The following SUGCT variants were observed in gnomAD, a reference collection of about 807,000 sequenced individuals.
SUGCT encodes the protein succinyl-CoA:glutarate CoA-transferase.
SUGCT carries 41 observed loss-of-function variants against 55.0 expected under a neutral mutation model. The observed-to-expected ratio is 0.74, with a 90% CI of 0.58 to 0.97. The LOEUF is 0.97. Ranked by LOEUF, SUGCT falls within the 50% of genes least tolerant of loss-of-function variation. The probability of loss-of-function intolerance (pLI) is 0.00; values close to 1 mark genes in which losing one functional copy is unlikely to be tolerated. For missense variants in SUGCT, 568 were observed against 547.8 expected, an observed-to-expected ratio of 1.04 and a Z score of -0.37; for synonymous variants, 187 against 200.4, an observed-to-expected ratio of 0.93 and a Z score of 0.56.
In SUGCT at chr7:40,513,510, G is replaced by T. The variant is rs1393431239; in HGVS notation, c.1089+17124G>T. 2.0e-5 allele frequency among the ~76,000 whole-genome samples: 3 copies of T among 152,190 alleles called. No homozygotes were observed. The East Asian group carries it at 5.8e-4, about 29-fold the overall frequency. On this transcript the variant is annotated intron_variant, in intron 12 of 13. Transcript: ENST00000335693. The stretch of plus-strand genomic sequence containing the variant: ...AAGATTCAGTTCCTATTTCCTGAGA[G>T]CTCCATTTCACTTATTCTCAAATTG...
At chr7:40,446,945 A>C (rs758055924) in intron 9 of SUGCT, among the ~76,000 whole-genome samples, 16 of 152,212 alleles carry the variant, frequency 1.1e-4, no homozygotes, top group Non-Finnish European at 2.1e-4. Context: ...ATTGTTAATA[A>C]CAGGTTTATT....
intron 13 of SUGCT, among the ~76,000 whole-genome samples, chr7:40,796,600 T>G (rs937371528): frequency 6.6e-6 from 1 of 152,168 alleles, no homozygotes; most frequent in African/African-American, 2.4e-5. Flanking sequence ...CATTCCTGTT[T>G]TATAAGTGAG....
intron 9 of SUGCT, among the ~76,000 whole-genome samples, chr7:40,317,103 G>A (rs1280212627): frequency 6.7e-6 from 1 of 150,186 alleles, no homozygotes; most frequent in Non-Finnish European, 1.5e-5. Flanking sequence ...CTGAAAGTAA[G>A]TGCCTTTTGG....
At chr7:40,548,582 A>G (rs1795136427) in intron 12 of SUGCT, among the ~76,000 whole-genome samples, 1 of 152,032 alleles carries the variant, frequency 6.6e-6, no homozygotes, top group Non-Finnish European at 1.5e-5. Flanking sequence ...TCTCATATAT[A>G]CCACGTGCCC....
intron 9 of SUGCT, among the ~76,000 whole-genome samples, chr7:40,433,186 C>T (rs1787994387): frequency 6.6e-6 from 1 of 151,984 alleles, no homozygotes; most frequent in African/African-American, 2.4e-5. Context: ...TGGAGCTTCT[C>T]ATTTTGTTTA....
chr7:40,655,041 C>G (rs1800950905), intron 12 of SUGCT, among the ~76,000 whole-genome samples: 1 of 152,134 alleles, frequency 6.6e-6, no homozygotes, highest in Non-Finnish European at 1.5e-5. Context: ...TAATTATAGG[C>G]AATATCACTT....
intron 9 of SUGCT, among the ~76,000 whole-genome samples, chr7:40,361,932 G>C (rs1231048459): frequency 6.6e-6 from 1 of 151,994 alleles, no homozygotes; most frequent in African/African-American, 2.4e-5. Flanking sequence ...CTTTAAGCTG[G>C]CCTGGGCCAA....
chr7:40,370,608 GGAGA>G (rs148116234), intron 9 of SUGCT, among the ~76,000 whole-genome samples: 6 of 143,572 alleles, frequency 4.2e-5, no homozygotes, highest in Non-Finnish European at 9.1e-5. Flanking sequence ...GAGAGAGAGA[GGAGA>G]GAGAGAGATG....
intron 12 of SUGCT, among the ~76,000 whole-genome samples, chr7:40,552,455 C>CT (rs1487394363): frequency 6.6e-6 from 1 of 152,116 alleles, no homozygotes; most frequent in Non-Finnish European, 1.5e-5. Flanking sequence ...GCTCACCCTA[C>CT]TAATAGATCA....
At chr7:40,812,965 C>T (rs1396984186) in intron 13 of SUGCT, among the ~76,000 whole-genome samples, 3 of 151,986 alleles carry the variant, frequency 2.0e-5, no homozygotes, top group Non-Finnish European at 2.9e-5. Context: ...GCCTTAATTT[C>T]ATTATTTAAT....
Position 40,860,531 on chromosome 7 carries a change from G to A in SUGCT, c.*52G>A, listed in dbSNP as rs1473407907. The A allele has an allele frequency of 6.4e-7, 1 of 1,550,766 alleles. No homozygotes were observed. Among genetic ancestry groups the A allele is most frequent in the Non-Finnish European group, 8.7e-7 (1 of 1,143,870 alleles). On this transcript the variant is annotated 3_prime_UTR_variant, in exon 14 of 14. Transcript: ENST00000335693. ...CCTCGATCCGAATACACTGGCAAAG[G>A]CAACACTTTGCTTGGACCCTTCTCC...
At chr7:40,564,390 A>C (rs1310003785) in intron 12 of SUGCT, among the ~76,000 whole-genome samples, 1 of 152,230 alleles carries the variant, frequency 6.6e-6, no homozygotes, top group Non-Finnish European at 1.5e-5. Flanking sequence ...GTCTCAAAAA[A>C]ATAAATAAAT....
chr7:40,948,725 T>C, the SUGCT span, among the ~76,000 whole-genome samples: 1 of 152,008 alleles, frequency 6.6e-6, no homozygotes, highest in African/African-American at 2.4e-5. Context: ...AGTTCCTGTG[T>C]TAGTTTGCTG....
intron 12 of SUGCT, among the ~76,000 whole-genome samples, chr7:40,571,515 G>C (rs955001080): frequency 6.6e-6 from 1 of 152,036 alleles, no homozygotes; most frequent in Admixed American, 6.6e-5. Flanking sequence ...TATACAGGAG[G>C]GTTACAATTG....
intron 12 of SUGCT, among the ~76,000 whole-genome samples, chr7:40,693,007 A>G (rs1222590438): frequency 6.6e-6 from 1 of 152,174 alleles, no homozygotes; most frequent in Non-Finnish European, 1.5e-5. Context: ...CATCTCTACT[A>G]TACGGGCTTT....
chr7:40,725,357 G>A (rs963113874), intron 12 of SUGCT, among the ~76,000 whole-genome samples: 1 of 152,058 alleles, frequency 6.6e-6, no homozygotes, highest in Non-Finnish European at 1.5e-5. Flanking sequence ...TACTTTTATG[G>A]TATGCATTAT....
At chr7:40,547,273 A>G (rs1795041195) in intron 12 of SUGCT, among the ~76,000 whole-genome samples, 3 of 152,146 alleles carry the variant, frequency 2.0e-5, no homozygotes, top group Admixed American at 2.0e-4. Context: ...GTTGAGAGCT[A>G]CTGTACTTAG....
chr7:40,443,410 C>G (rs545785906), intron 9 of SUGCT, among the ~76,000 whole-genome samples: 2 of 152,288 alleles, frequency 1.3e-5, no homozygotes, highest in African/African-American at 4.8e-5. Context: ...TTAATGATCA[C>G]CATTCTAACT....
the SUGCT span, among the ~76,000 whole-genome samples, chr7:40,922,589 A>T: frequency 6.6e-6 from 1 of 152,212 alleles, no homozygotes; most frequent in East Asian, 1.9e-4. Context: ...CTTTACTGAG[A>T]GTGTAGAAAT....
Sources: gnomAD v4.1 joint callset for allele counts (sites outside exome capture counted in the v4.1 genomes callset) on GRCh38, gnomAD v4.1.1 for gene constraint, MANE v1.5 for transcripts, NCBI Gene and HGNC (gene_info 2026-07-23, HGNC 2026-07-21) for gene names.